Variants in TRIM72 observed in about 807,000 individuals in gnomAD.
TRIM72 encodes tripartite motif containing 72.
In TRIM72, 33 loss-of-function variants were observed where a neutral mutation model predicts 31.6. That is an observed-to-expected ratio of 1.04 (90% CI 0.79 to 1.40). The LOEUF is 1.40. TRIM72 is among the 40% of genes most tolerant of loss of function. The pLI, the probability that TRIM72 is intolerant of heterozygous loss-of-function variation, is 0.00. For synonymous variants in TRIM72, 301 were observed against 314.4 expected (o/e 0.96, Z 0.45); for missense variants, 666 against 682.7 (o/e 0.98, Z 0.27).
chr16:31,214,578 C>A (rs1248881540), intron 1 of TRIM72, among the ~76,000 whole-genome samples, 154 bp from the exon 2 acceptor site: 1 of 152,182 alleles, frequency 6.6e-6, no homozygotes, highest in East Asian at 1.9e-4. Flanking sequence ...TCCCCTTGGC[C>A]GTCAGAGTCC....
rs2079539846 is a variant in TRIM72, at chr16:31,222,822, C to G, written c.741-5C>G. On this transcript the variant is annotated splice_region_variant and splice_polypyrimidine_tract_variant and intron_variant, in intron 5 of 6. Transcript: ENST00000322122. ...CATGCCTCCCCTTCCCCTCCCCACC[C>G]CCAGGCTGCAGAAGATCCTGGCAGA... is the stretch of plus-strand genomic sequence containing the variant. 2 of 1,355,568 alleles carry G rather than the reference C, an allele frequency of 1.5e-6. No homozygotes were observed. Among genetic ancestry groups the G allele is most frequent in the Non-Finnish European group, 2.0e-6 (2 of 999,742 alleles). 84.0% of individuals were successfully genotyped at this position (1,355,568 alleles called of 1,614,324 possible). A position where few individuals can be genotyped will look rare whatever the true frequency, so the allele number is the denominator to read the frequency against.
rs1475213085 is a variant in TRIM72 at position 31,226,380 on chromosome 16, G to A, written c.*1625G>A. ...AGTTTGAGGCAGGAGGCTCATTTGAGGCCAGGAGTTTGAGACCAGCCTGGG... is the reference window on the plus strand; with the variant it reads ...AGTTTGAGGCAGGAGGCTCATTTGAAGCCAGGAGTTTGAGACCAGCCTGGG... On this transcript the variant is annotated 3_prime_UTR_variant, in exon 7 of 7. Transcript: ENST00000322122. The A allele has an allele frequency of 1.1e-4, 17 of 152,166 alleles. No homozygotes were observed. Among genetic ancestry groups the A allele is most frequent in the Non-Finnish European group, 1.5e-5 (1 of 68,044 alleles). 9.4% of individuals were successfully genotyped at this position (152,166 alleles called of 1,614,324 possible).
Position 31,219,345 on chromosome 16 carries a change from G to A in TRIM72, c.543G>A (p.Val181=), listed in dbSNP as rs1366097892. The A allele has an allele frequency of 2.5e-6, 4 of 1,614,064 alleles. No individual in the cohort carries two copies. Among genetic ancestry groups the A allele is most frequent in the Admixed American group, 3.3e-5 (2 of 60,012 alleles). ...GGGAGCAGCTGGGCAAGATGCGGGT[G>A]TTCCTGGCTGCACTGGAGGGCTCCT... ...AVGEQLGKMR[V]FLAALEGSLD... Residue 181 remains valine (V), a synonymous_variant, in exon 4 of 7, where the codon GTG becomes GTA. Transcript: ENST00000322122. This position sits in a 1 kb window ranked among gnomAD's most constrained non-coding sequence, Gnocchi z 4.2.
At position 31,224,219 on chromosome 16, in the gene TRIM72, C is replaced by T. The variant is rs752343664; in HGVS notation, c.898C>T (p.Pro300Ser). 2.5e-6 allele frequency: 4 copies of T among 1,604,258 alleles called. No homozygotes were observed. The highest frequency in any genetic ancestry group is 3.4e-6 in the Non-Finnish European group (4 of 1,179,892). The change falls in exon 7 of 7, where the codon CCG (proline) becomes TCG (serine). Residue 300 changes from proline to serine, a missense_variant. Transcript: ENST00000322122. ...GACCTTTGACCCGAGCTCTGCGCAC[C>T]CGAGCCTGGTGGTGTCTTCCTCTGG... ...ELTFDPSSAH[P>S]SLVVSSSGRR...
At chr16:31,221,729 G>A (rs1177977017) in intron 5 of TRIM72, among the ~76,000 whole-genome samples, 1 of 146,368 alleles carries the variant, frequency 6.8e-6, no homozygotes, top group African/African-American at 2.5e-5. Context: ...GAAAGGCATT[G>A]CTGGGAGAAG....
chr16:31,222,499 A>G (rs867109996), intron 5 of TRIM72, among the ~76,000 whole-genome samples: 5 of 6,262 alleles, frequency 8.0e-4, no homozygotes, highest in Non-Finnish European at 2.4e-3. Flanking sequence ...TTTTTTTTTT[A>G]GACAGGATCT....
chr16:31,221,639 C>G (rs557086909), intron 5 of TRIM72, among the ~76,000 whole-genome samples: 23 of 125,310 alleles, frequency 1.8e-4, no homozygotes, highest in African/African-American at 5.7e-4. Flanking sequence ...AAGGGCATTG[C>G]TGGGAGAAGA....
rs755383994 is a variant in TRIM72, at chr16:31,219,215, T to C, written c.486+25T>C. ...GGTGAGGACTTCACAGGGCCATGTC[T>C]GAGGGCTGGGGGCCAGGCTAGGGGT... On this transcript the variant is annotated intron_variant, in intron 3 of 6. Transcript: ENST00000322122. This position sits in a 1 kb window ranked among gnomAD's most constrained non-coding sequence, Gnocchi z 4.2. The C allele has an allele frequency of 6.2e-7, 1 of 1,613,902 alleles. No homozygotes were observed. Among genetic ancestry groups the C allele is most frequent in the South Asian group, 1.1e-5 (1 of 91,044 alleles).
Position 31,224,728 on chromosome 16 carries a change from C to T in TRIM72, c.1407C>T (p.Leu469=), listed in dbSNP as rs779248778. The T allele has an allele frequency of 1.3e-6, 2 of 1,520,696 alleles. No homozygotes were observed. Among genetic ancestry groups the T allele is most frequent in the Non-Finnish European group, 8.8e-7 (1 of 1,138,800 alleles). The allele number at this position is 1,520,696 out of a possible 1,614,324, so 94.2% of individuals were successfully genotyped here. A position where few individuals can be genotyped will look rare whatever the true frequency, so the allele number is the denominator to read the frequency against. ...GCAAGAATGCCCAGCCGCTGCTGCT[C>T]GTGGGTCCCGAAGGCGCCGAGGCCT... ...DKGKNAQPLL[L]VGPEGAEA Residue 469 remains leucine (L), a synonymous_variant, in exon 7 of 7, where the codon CTC becomes CTT. Transcript: ENST00000322122.
intron 5 of TRIM72, 71 bp from the exon 6 acceptor site, chr16:31,222,756 A>T (rs2079539393): frequency 1.3e-6 from 1 of 753,800 alleles, no homozygotes; most frequent in Non-Finnish European, 2.1e-6. Context: ...CGATGTGGGG[A>T]GATCCTGGAA....
In TRIM72 at chr16:31,224,276, C is replaced by T. The variant is rs2079545836; in HGVS notation, c.955C>T (p.Pro319Ser). Residue 319 changes from proline (P) to serine (S), a missense_variant, in exon 7 of 7, where the codon CCG (proline) becomes TCG (serine). Transcript: ENST00000322122. The part of the protein sequence containing the change: ...RRVECSEQKA[P>S]PAGEDPRQFD... ...CGTGGAGTGCTCGGAGCAGAAGGCG[C>T]CGCCGGCCGGGGAGGACCCGCGCCA... 6.2e-7 allele frequency: 1 copy of T among 1,603,914 alleles called. No individual in the cohort carries two copies. Among genetic ancestry groups the T allele is most frequent in the Non-Finnish European group, 8.5e-7 (1 of 1,179,122 alleles).
Position 31,224,759 on chromosome 16 carries a change from G to A in TRIM72, c.*4G>A, listed in dbSNP as rs776543382. On this transcript the variant is annotated 3_prime_UTR_variant, in exon 7 of 7. Transcript: ENST00000322122. ...TCCCGAAGGCGCCGAGGCCTGAGCC[G>A]CCGGACGGGTAGTGGAGGGGCGCGG... 3 of 1,469,016 alleles carry A rather than the reference G, an allele frequency of 2.0e-6. No individual in the cohort carries two copies. Among genetic ancestry groups the A allele is most frequent in the African/African-American group, 1.4e-5 (1 of 69,382 alleles). The allele number at this position is 1,469,016 out of a possible 1,614,324, so 91.0% of individuals were successfully genotyped here.
Position 31,219,467 on chromosome 16 carries a change from T to A in TRIM72, c.665T>A (p.Met222Lys). 6.2e-7 allele frequency: 1 copy of A among 1,611,974 alleles called. No individual in the cohort carries two copies. The highest frequency in any genetic ancestry group is 2.2e-5 in the East Asian group (1 of 44,848). The change falls in exon 4 of 7, where the codon ATG becomes AAG. Residue 222 changes from methionine (M) to lysine (K), a missense_variant. Coordinates refer to ENST00000322122, the MANE Select transcript of TRIM72 (RefSeq NM_001008274.4). This position sits in a 1 kb window ranked among gnomAD's most constrained non-coding sequence, Gnocchi z 4.2. ...TCTTACCTGGAGCAGCTGCGGCAGA[T>A]GGAGAAGGTCCTGGAGGAGGTGGCG... ...LNSYLEQLRQ[M>K]EKVLEEVADK...
chr16:31,222,843 G>T lies in TRIM72; in HGVS notation c.757G>T (p.Ala253Ser), dbSNP rs779776298. 2 of 1,526,112 alleles carry T rather than the reference G, an allele frequency of 1.3e-6. No individual in the cohort carries two copies. Among genetic ancestry groups the T allele is most frequent in the Non-Finnish European group, 1.7e-6 (2 of 1,144,896 alleles). 94.5% of individuals were successfully genotyped at this position (1,526,112 alleles called of 1,614,324 possible). The change falls in exon 6 of 7, where the codon GCA (alanine) becomes TCA (serine). Residue 253 changes from alanine (A) to serine (S), a missense_variant. Ala to Ser is a moderately conservative substitution (Grantham distance 99). Transcript: ENST00000322122. ...LVTSRLQKIL[A>S]ESPPPARLDI... ...CACCCCCAGGCTGCAGAAGATCCTG[G>T]CAGAGTCTCCCCCACCCGCCCGTCT...
chr16:31,225,042 G>A lies in TRIM72; in HGVS notation c.*287G>A. 1 of 262,422 alleles carries A rather than the reference G, an allele frequency of 3.8e-6. No homozygotes were observed. The highest frequency in any genetic ancestry group is 1.1e-4 in the South Asian group (1 of 8,796). 16.3% of individuals were successfully genotyped at this position (262,422 alleles called of 1,614,324 possible). On this transcript the variant is annotated 3_prime_UTR_variant, in exon 7 of 7. Transcript: ENST00000322122. The stretch of plus-strand genomic sequence containing the variant: ...TCCTCTCTACTGAAAATACAAAAAT[G>A]AGCTGGGCGCGGTGGCATACGCCTG...
chr16:31,222,691 A>G, intron 5 of TRIM72, 136 bp from the exon 6 acceptor site: 2 of 563,800 alleles, frequency 3.5e-6, no homozygotes, highest in Non-Finnish European at 6.3e-6. Flanking sequence ...TTATCTCCAG[A>G]ATTTTCTCAT....
intron 2 of TRIM72, chr16:31,217,301 G>A (rs2079514831): frequency 2.0e-6 from 1 of 488,200 alleles, no homozygotes; most frequent in Admixed American, 3.6e-5. Flanking sequence ...GCAAGTCATT[G>A]AGGCAGGAAT....
Position 31,216,966 on chromosome 16 carries a change from C to G in TRIM72, c.390+1838C>G. 6 of 1,614,160 alleles carry G rather than the reference C, an allele frequency of 3.7e-6. No individual in the cohort carries two copies. The highest frequency in any genetic ancestry group is 5.1e-6 in the Non-Finnish European group (6 of 1,180,012). On this transcript the variant is annotated intron_variant, in intron 2 of 6. Coordinates refer to ENST00000322122, the MANE Select transcript of TRIM72 (RefSeq NM_001008274.4). This position sits in a 1 kb window ranked among gnomAD's most constrained non-coding sequence, Gnocchi z 6.7. ...CCGTCCCCAGCTTCATCTTGAACTT[C>G]TTGAGCTCCTCCGGTGTCAGGTTCT...
chr16:31,224,305 C>G lies in TRIM72; in HGVS notation c.984C>G (p.Phe328Leu). The change falls in exon 7 of 7, where the codon TTC becomes TTG. Residue 328 changes from phenylalanine (F) to leucine (L), a missense_variant. Physicochemically the swap from Phe to Leu is conservative, Grantham distance 22. Coordinates refer to ENST00000322122, the MANE Select transcript of TRIM72 (RefSeq NM_001008274.4). ...CGGCCGGGGAGGACCCGCGCCAGTT[C>G]GACAAGGCGGTGGCGGTGGTGGCGC... ...APPAGEDPRQFDKAVAVVAHQ... is the reference protein window; with the variant it reads ...APPAGEDPRQLDKAVAVVAHQ... 6.2e-7 allele frequency: 1 copy of G among 1,601,276 alleles called. No homozygotes were observed. Among genetic ancestry groups the G allele is most frequent in the Non-Finnish European group, 8.5e-7 (1 of 1,177,062 alleles).
Sources: gnomAD v4.1 joint callset for allele counts (sites outside exome capture counted in the v4.1 genomes callset) on GRCh38, gnomAD v4.1.1 for gene constraint, Gnocchi (gnomAD v3.1) non-coding constraint, MANE v1.5 for transcripts, NCBI Gene and HGNC (gene_info 2026-07-23, HGNC 2026-07-21) for gene names.